F8: variants seen among roughly 807,000 people sequenced by gnomAD.
The protein encoded by F8 is antihemophilic factor.
In F8, 12 loss-of-function variants were observed where a neutral mutation model predicts 140.6. The observed-to-expected ratio is 0.09, with a 90% confidence interval of 0.05 to 0.14. The LOEUF is 0.14. Among genes scored for constraint, F8 ranks in the 10% least tolerant of loss-of-function variants. F8 has a pLI of 1.00. For missense variants in F8, 1,354 were observed against 1,720.7 expected, an observed-to-expected ratio of 0.79 and a Z score of 3.77; for synonymous variants, 585 against 614.6, an observed-to-expected ratio of 0.95 and a Z score of 0.71.
chrX:154,965,866 A>G (rs1447045406), intron 9 of F8, 104 bp downstream of exon 9: 1 of 761,445 alleles, frequency 1.3e-6, no homozygotes, highest in Non-Finnish European at 2.0e-6. Context: ...CTTTTAAAAG[A>G]TCATGTCCAT....
intron 1 of F8, among the ~76,000 whole-genome samples, chrX:155,014,448 A>T (rs1029816074): frequency 8.9e-6 from 1 of 112,358 alleles, no homozygotes; most frequent in Non-Finnish European, 1.9e-5. Flanking sequence ...GGCATGAAAA[A>T]AAAAATAAAA....
At chrX:154,967,756 G>T (rs1557282162) in intron 7 of F8, among the ~76,000 whole-genome samples, 1 of 112,049 alleles carries the variant, frequency 8.9e-6, no homozygotes. Flanking sequence ...CTATTCCTCT[G>T]TGCCTGCAAG....
At chrX:154,985,462 AT>A (rs2073554119) in intron 5 of F8, among the ~76,000 whole-genome samples, 1 of 111,431 alleles carries the variant, frequency 9.0e-6, no homozygotes, top group Non-Finnish European at 1.9e-5. Context: ...AAAAAAGAAA[AT>A]TGTCCTAGGA....
chrX:154,984,352 T>A (rs1205437312), intron 6 of F8, among the ~76,000 whole-genome samples: 1 of 112,226 alleles, frequency 8.9e-6, no homozygotes, highest in African/African-American at 3.2e-5. Context: ...TAGCTTTTTT[T>A]ATTCTGGGAT....
chrX:155,002,157 C>T (rs990682676), intron 1 of F8, among the ~76,000 whole-genome samples: 1 of 112,369 alleles, frequency 8.9e-6, no homozygotes, highest in Non-Finnish European at 1.9e-5. Context: ...TATGTCGTAG[C>T]ATGTGTCAGA....
intron 14 of F8, chrX:154,919,620 T>G: frequency 1.3e-6 from 1 of 751,653 alleles, no homozygotes; most frequent in Non-Finnish European, 1.9e-6. Context: ...TGTTCTTCAT[T>G]TCTGTCTTCA....
At position 154,931,486 on chromosome X, in the gene F8, A is replaced by C; in HGVS notation, c.2304T>G (p.Pro768=). 1 of 1,211,910 alleles carries C rather than the reference A, an allele frequency of 8.3e-7. No homozygotes were observed. The highest frequency in any genetic ancestry group is 1.1e-6 in the Non-Finnish European group (1 of 895,304). The change falls in exon 14 of 26, where the codon CCT becomes CCG. Residue 768 remains proline (P), a synonymous_variant. Transcript: ENST00000360256. ...PRSFSQNSRH[P]STRQKQFNAT... ...CATTAAATTGCTTTTGCCTAGTGCT[A>C]GGGTGTCTTGAATTCTGGGAGAAGC...
chrX:154,939,157 G>A (rs1013974136), intron 13 of F8, among the ~76,000 whole-genome samples: 29 of 111,259 alleles, frequency 2.6e-4, no homozygotes, highest in African/African-American at 8.2e-4. Flanking sequence ...GGGGAGTGCC[G>A]GACAGTGGGT....
At chrX:154,868,466 A>T (rs1557273301) in intron 22 of F8, among the ~76,000 whole-genome samples, 3 of 111,776 alleles carry the variant, frequency 2.7e-5, no homozygotes, top group African/African-American at 9.8e-5. Context: ...AGTGAAGGAG[A>T]AATGAAATTC....
chrX:154,999,253 T>C (rs1378765906), intron 2 of F8, among the ~76,000 whole-genome samples: 6 of 109,794 alleles, frequency 5.5e-5, no homozygotes, highest in African/African-American at 1.7e-4. Context: ...TTACATACTT[T>C]ATTTGACATC....
intron 14 of F8, among the ~76,000 whole-genome samples, chrX:154,921,642 A>G (rs1557277577): frequency 8.9e-6 from 1 of 111,846 alleles, no homozygotes; most frequent in Non-Finnish European, 1.9e-5. Flanking sequence ...ATGTCCATCA[A>G]TGATAGACTG....
In F8 at chrX:154,902,138, A is replaced by G. The variant is rs1214818083; in HGVS notation, c.6028T>C (p.Ser2010Pro). ...TCCACCCGCCAAATTCCAGCTTTGG[A>G]TGGTAACATTTCCACTGTCTCAAAA... The part of the protein sequence containing the change: ...GVFETVEMLP[S>P]KAGIWRVECL... Residue 2010 changes from serine (S) to proline (P), a missense_variant, in exon 19 of 26, where the codon TCC (serine) becomes CCC (proline). Physicochemically the swap from Ser to Pro is moderately conservative, Grantham distance 74. Transcript: ENST00000360256. 8.3e-7 allele frequency: 1 copy of G among 1,206,210 alleles called. No homozygotes were observed. Among genetic ancestry groups the G allele is most frequent in the Non-Finnish European group, 1.1e-6 (1 of 891,671 alleles).
In F8 at chrX:154,931,032, T is replaced by C. The variant is rs1193811506; in HGVS notation, c.2758A>G (p.Thr920Ala). ...SDNLAAGTDN[T>A]SSLGPPSMPV... ...ATACTTGGGGGTCCTAAGGAACTTG[T>C]ATTATCAGTACCTGCTGCCAAATTG... Residue 920 changes from threonine to alanine, a missense_variant, in exon 14 of 26, where the codon ACA becomes GCA. Physicochemically the swap from Thr to Ala is moderately conservative, Grantham distance 58. Coordinates refer to ENST00000360256, the MANE Select transcript of F8 (RefSeq NM_000132.4). 1 of 1,191,917 alleles carries C rather than the reference T, an allele frequency of 8.4e-7. No homozygotes were observed. Among genetic ancestry groups the C allele is most frequent in the Non-Finnish European group, 1.1e-6 (1 of 886,669 alleles).
chrX:154,903,139 G>A (rs184126748), intron 18 of F8, among the ~76,000 whole-genome samples: 12 of 111,069 alleles, frequency 1.1e-4, no homozygotes, highest in Admixed American at 4.8e-4. Flanking sequence ...GAATTTTTAC[G>A]AAGAAATAAG....
chrX:154,957,578 A>G (rs1487340833), intron 10 of F8, among the ~76,000 whole-genome samples: 1 of 111,378 alleles, frequency 9.0e-6, no homozygotes, highest in African/African-American at 3.3e-5. Flanking sequence ...CTAAATCAAA[A>G]TTTTAATTTT....
intron 6 of F8, among the ~76,000 whole-genome samples, chrX:154,975,354 G>A (rs1557282887): frequency 8.9e-6 from 1 of 111,960 alleles, no homozygotes; most frequent in East Asian, 2.8e-4. Flanking sequence ...TTAGGGGCAT[G>A]TTCTTTAATT....
Position 154,979,136 on chromosome X carries a change from G to A in F8, c.787+5551C>T, listed in dbSNP as rs1175456075. 4.5e-5 allele frequency among the ~76,000 whole-genome samples: 5 copies of A among 111,833 alleles called. No homozygotes were observed. The Admixed American group carries it at 4.7e-4, about 11-fold the overall frequency. ...GGGTGGGTGGGTTCTCAAGTTCCTG[G>A]GCAGCAAAGTGGCATGGTTGATGGC... is the stretch of plus-strand genomic sequence containing the variant. On this transcript the variant is annotated intron_variant, in intron 6 of 25. Transcript: ENST00000360256.
chrX:154,910,651 C>T lies in F8; in HGVS notation c.5220-4078G>A, dbSNP rs1603433174. 6.2e-5 allele frequency among the ~76,000 whole-genome samples: 7 copies of T among 112,483 alleles called. No individual in the cohort carries two copies. In the South Asian group the frequency reaches 2.6e-3, roughly 42 times the overall value. ...GCGGAAGGCCGCAGGGACCTCTGCCCTGGAAAGCCAGGTATTGTCCAAGGT... is the reference window on the plus strand; with the variant it reads ...GCGGAAGGCCGCAGGGACCTCTGCCTTGGAAAGCCAGGTATTGTCCAAGGT... On this transcript the variant is annotated intron_variant, in intron 14 of 25. Coordinates refer to ENST00000360256, the MANE Select transcript of F8 (RefSeq NM_000132.4).
intron 6 of F8, among the ~76,000 whole-genome samples, chrX:154,978,911 T>C (rs1466963510): frequency 1.8e-5 from 2 of 111,451 alleles, no homozygotes; most frequent in Non-Finnish European, 3.8e-5. Context: ...TAGTGGAGGC[T>C]GTGGTGAAGT....
Sources: allele counts gnomAD v4.1 joint callset (sites outside exome capture counted in the v4.1 genomes callset), GRCh38; gene constraint gnomAD v4.1.1; transcripts MANE v1.5; gene names NCBI Gene and HGNC (gene_info 2026-07-23, HGNC 2026-07-21).